Variants in HAT1 observed in about 807,000 individuals in gnomAD.
HAT1 encodes histone acetyltransferase 1.
Under a neutral mutation model 56.6 loss-of-function variants are expected in HAT1, and 20 were observed. The ratio of observed to expected loss-of-function variants is 0.35; its 90% CI spans 0.25 to 0.51. The LOEUF (loss-of-function observed/expected upper bound fraction) is 0.51. HAT1 is among the 20% of genes least tolerant of loss of function. HAT1 has a pLI of 0.95. For synonymous variants in HAT1, 146 were observed against 165.5 expected (o/e 0.88, Z 0.91); for missense variants, 408 against 504.3 (o/e 0.81, Z 1.83).
intron 1 of HAT1, chr2:171,922,827 A>G: frequency 2.9e-6 from 1 of 343,444 alleles, no homozygotes; most frequent in Non-Finnish European, 5.2e-6. Flanking sequence ...TTCTCTTCCC[A>G]TTCCTTTTGT....
chr2:171,972,324 G>A (rs1198139264), intron 8 of HAT1, among the ~76,000 whole-genome samples: 1 of 150,898 alleles, frequency 6.6e-6, no homozygotes, highest in African/African-American at 2.4e-5. Context: ...GGAGTGCAGT[G>A]GAGTGATAGC....
At chr2:171,941,038 G>A (rs949851518) in intron 2 of HAT1, among the ~76,000 whole-genome samples, 1 of 152,112 alleles carries the variant, frequency 6.6e-6, no homozygotes, top group Non-Finnish European at 1.5e-5. Flanking sequence ...AAAATAATGG[G>A]TTGGCAACAT....
intron 2 of HAT1, among the ~76,000 whole-genome samples, chr2:171,933,549 T>A (rs1405052160): frequency 1.3e-5 from 2 of 151,540 alleles, no homozygotes; most frequent in East Asian, 1.9e-4. Flanking sequence ...GAAAAAAAAA[T>A]TTACCTCTAA....
intron 2 of HAT1, among the ~76,000 whole-genome samples, chr2:171,933,944 T>C (rs1686805010): frequency 1.3e-5 from 2 of 152,240 alleles, no homozygotes; most frequent in African/African-American, 2.4e-5. Flanking sequence ...TTACTGACTT[T>C]CTAGCGATTA....
rs893318515 is a variant in HAT1, at chr2:171,952,932, T to C, written c.240T>C (p.Ala80=). ...KGLKILLYYI[A]GSLSTMFRVE... ...TAAAGATCCTGTTATACTATATTGC[T>C]GGTAGCCTGTCAACAATGTTCCGTG... Residue 80 remains alanine, a synonymous_variant, in exon 4 of 11, where the codon GCT becomes GCC. Transcript: ENST00000264108. 1.9e-6 allele frequency: 3 copies of C among 1,591,556 alleles called. No individual in the cohort carries two copies. Among genetic ancestry groups the C allele is most frequent in the African/African-American group, 2.7e-5 (2 of 74,518 alleles).
chr2:171,954,461 G>A (rs192105207), intron 4 of HAT1, among the ~76,000 whole-genome samples: 81 of 152,232 alleles, frequency 5.3e-4, no homozygotes, highest in African/African-American at 1.9e-3. Context: ...TGAGGTGGGC[G>A]GATCACCTGA....
At chr2:171,938,024 T>TTCTCATTCTCTCTCTCTCTC (rs1482378377) in intron 2 of HAT1, among the ~76,000 whole-genome samples, 1 of 104,804 alleles carries the variant, frequency 9.5e-6, no homozygotes, top group African/African-American at 4.0e-5. Flanking sequence ...TGTCTACTGA[T>TTCTCATTCTCTCTCTCTCTC]TCTCTCTCTC....
intron 2 of HAT1, among the ~76,000 whole-genome samples, chr2:171,929,122 G>T (rs2105964014): frequency 6.6e-6 from 1 of 152,164 alleles, no homozygotes; most frequent in Non-Finnish European, 1.5e-5. Context: ...AAAGTTTTAG[G>T]CATTCTACTG....
At chr2:171,924,772 A>G (rs1686539681) in intron 1 of HAT1, 1 of 152,170 alleles carries the variant, frequency 6.6e-6, no homozygotes, top group Non-Finnish European at 1.5e-5. Context: ...ATTCTTCTTG[A>G]GACATTCCAT....
intron 2 of HAT1, among the ~76,000 whole-genome samples, chr2:171,926,154 A>G (rs896902936): frequency 4.6e-5 from 7 of 150,836 alleles, no homozygotes; most frequent in South Asian, 4.2e-4. Flanking sequence ...GTCTCACTCT[A>G]TCACCCAGGC....
At position 171,965,812 on chromosome 2, in the gene HAT1, G is replaced by A. The variant is rs530593330; in HGVS notation, c.515G>A (p.Arg172Gln). The A allele has an allele frequency of 1.5e-5, 24 of 1,613,064 alleles. No individual in the cohort carries two copies. The Admixed American group carries it at 2.5e-4, about 17-fold the overall frequency. The change falls in exon 6 of 11, where the codon CGA (arginine) becomes CAA (glutamine). Residue 172 changes from arginine (R) to glutamine (Q), a missense_variant. Coordinates refer to ENST00000264108, the MANE Select transcript of HAT1 (RefSeq NM_003642.4). ...GCTGACATGACATGTAGAGGCTTTC[G>A]AGAATATCATGAAAGGCTTCAGACC... ...YKADMTCRGF[R>Q]EYHERLQTFL...
intron 2 of HAT1, among the ~76,000 whole-genome samples, chr2:171,932,578 G>A (rs1033722356): frequency 6.6e-6 from 1 of 152,108 alleles, no homozygotes; most frequent in Admixed American, 6.6e-5. Context: ...CCATTTAAAT[G>A]ACTGTAGAGC....
chr2:171,946,154 G>A (rs977425164), intron 2 of HAT1, among the ~76,000 whole-genome samples: 1 of 152,158 alleles, frequency 6.6e-6, no homozygotes, highest in Non-Finnish European at 1.5e-5. Context: ...CTAGTTTTCT[G>A]CTGCCAGGAA....
intron 9 of HAT1, among the ~76,000 whole-genome samples, chr2:171,977,537 ATATATATATATATATATATATTTTT>A (rs1325488685): frequency 4.7e-4 from 7 of 14,994 alleles, no homozygotes; most frequent in Non-Finnish European, 9.0e-4. Context: ...ATATATATAT[ATATATATATATATATATATATTTTT>A]TTTTTTTTTT....
chr2:171,937,825 C>G (rs553527869), intron 2 of HAT1, among the ~76,000 whole-genome samples: 2 of 152,122 alleles, frequency 1.3e-5, no homozygotes, highest in African/African-American at 4.8e-5. Flanking sequence ...AGTTTGAGGC[C>G]AGCCTAAGCA....
intron 4 of HAT1, among the ~76,000 whole-genome samples, chr2:171,958,733 T>C (rs534179776): frequency 1.3e-5 from 2 of 152,218 alleles, no homozygotes; most frequent in Non-Finnish European, 1.5e-5. Flanking sequence ...ATAACTTTCT[T>C]TTGCAGAAGT....
chr2:171,928,873 G>C (rs1177104732), intron 2 of HAT1, among the ~76,000 whole-genome samples: 3 of 152,182 alleles, frequency 2.0e-5, no homozygotes, highest in Non-Finnish European at 4.4e-5. Context: ...CCAGTTAATA[G>C]ATATTTGAGT....
chr2:171,973,132 T>G (rs1687861298), intron 8 of HAT1, among the ~76,000 whole-genome samples: 1 of 152,152 alleles, frequency 6.6e-6, no homozygotes, highest in Non-Finnish European at 1.5e-5. Context: ...CTCCACTCTC[T>G]TCTTGTGTCT....
intron 4 of HAT1, among the ~76,000 whole-genome samples, chr2:171,962,092 A>G (rs543272001): frequency 8.5e-5 from 13 of 152,308 alleles, no homozygotes; most frequent in South Asian, 8.3e-4. Flanking sequence ...TCAAATGTGT[A>G]TAAATACAAA....
Sources: gnomAD v4.1 joint callset for allele counts (sites outside exome capture counted in the v4.1 genomes callset) on GRCh38, gnomAD v4.1.1 for gene constraint, MANE v1.5 for transcripts, NCBI Gene and HGNC (gene_info 2026-07-23, HGNC 2026-07-21) for gene names.